SMCO2: variants seen among roughly 807,000 people sequenced by gnomAD.
SMCO2 encodes the protein single-pass membrane protein with coiled-coil domains 2.
SMCO2 carries 25 observed loss-of-function variants against 29.5 expected under a neutral mutation model. The observed-to-expected ratio is 0.85, with a 90% CI of 0.62 to 1.18. The LOEUF (loss-of-function observed/expected upper bound fraction) is 1.18, where lower values mean the gene tolerates loss of function less well. SMCO2 is among the 50% of genes most tolerant of loss of function. SMCO2 has a pLI of 0.00. For missense variants in SMCO2, 348 were observed against 344.5 expected, an observed-to-expected ratio of 1.01 and a Z score of -0.08; for synonymous variants, 117 against 123.3, an observed-to-expected ratio of 0.95 and a Z score of 0.34.
intron 4 of SMCO2, among the ~76,000 whole-genome samples, chr12:27,485,656 G>A (rs762565333): frequency 3.3e-5 from 5 of 151,614 alleles, no homozygotes; most frequent in African/African-American, 9.7e-5. Context: ...CGTGTTGGCC[G>A]GGCTGGTCTC....
At chr12:27,485,611 T>TG (rs2135563632) in intron 4 of SMCO2, among the ~76,000 whole-genome samples, 1 of 152,090 alleles carries the variant, frequency 6.6e-6, no homozygotes, top group South Asian at 2.1e-4. Flanking sequence ...ACCTGATTAA[T>TG]TTTTTTAGTA....
intron 4 of SMCO2, among the ~76,000 whole-genome samples, chr12:27,482,114 T>C (rs1949649033): frequency 2.0e-5 from 3 of 152,100 alleles, no homozygotes; most frequent in African/African-American, 7.2e-5. Context: ...TTGAGATCTC[T>C]TGTCTTTTTC....
At chr12:27,444,195 A>C in the SMCO2 span, among the ~76,000 whole-genome samples, 1 of 152,218 alleles carries the variant, frequency 6.6e-6, no homozygotes, top group East Asian at 1.9e-4. Flanking sequence ...AAATCCACGC[A>C]TTTACAACCA....
intron 7 of SMCO2, among the ~76,000 whole-genome samples, chr12:27,499,420 C>T (rs1001592560): frequency 1.3e-5 from 2 of 150,466 alleles, no homozygotes; most frequent in African/African-American, 2.5e-5. Flanking sequence ...GGTTTCCAGG[C>T]ACAGAGTGTT....
At chr12:27,458,673 G>A in the SMCO2 span, among the ~76,000 whole-genome samples, 1 of 151,236 alleles carries the variant, frequency 6.6e-6, no homozygotes, top group Non-Finnish European at 1.5e-5. Context: ...ATCACCTGAG[G>A]TCAGGAGTTC....
intron 4 of SMCO2, among the ~76,000 whole-genome samples, chr12:27,477,677 T>A (rs1949601969): frequency 7.0e-6 from 1 of 142,828 alleles, no homozygotes; most frequent in African/African-American, 2.8e-5. Context: ...TCAAAACACT[T>A]GTCTTCAAAG....
At chr12:27,438,706 T>C in the SMCO2 span, among the ~76,000 whole-genome samples, 1 of 152,102 alleles carries the variant, frequency 6.6e-6, no homozygotes, top group South Asian at 2.1e-4. Flanking sequence ...ATACAGGAGA[T>C]TGGAGTTTCC....
At chr12:27,478,446 C>T (rs918752965) in intron 4 of SMCO2, among the ~76,000 whole-genome samples, 1 of 152,174 alleles carries the variant, frequency 6.6e-6, no homozygotes, top group Non-Finnish European at 1.5e-5. Flanking sequence ...GAAGGTGGGT[C>T]ATCATGTCCC....
intron 5 of SMCO2, among the ~76,000 whole-genome samples, chr12:27,490,777 A>T (rs984680111): frequency 9.9e-5 from 15 of 152,082 alleles, no homozygotes; most frequent in African/African-American, 3.6e-4. Flanking sequence ...CAAAAAATTT[A>T]AAAAATTAGC....
chr12:27,428,573 A>T, the SMCO2 span, among the ~76,000 whole-genome samples: 114,245 of 144,176 alleles, frequency 0.79, 45,283 homozygotes, highest in Middle Eastern at 0.93. Flanking sequence ...TTTTTTTTTT[A>T]AAATACTCAG....
intron 2 of SMCO2, among the ~76,000 whole-genome samples, chr12:27,471,821 A>G (rs1949543438): frequency 6.6e-6 from 1 of 152,172 alleles, no homozygotes; most frequent in Non-Finnish European, 1.5e-5. Context: ...AAACAGGCAC[A>G]TTTTTGCTCG....
chr12:27,427,288 C>T, the SMCO2 span, among the ~76,000 whole-genome samples: 2 of 152,192 alleles, frequency 1.3e-5, no homozygotes, highest in Non-Finnish European at 2.9e-5. Flanking sequence ...TCTCCTCACG[C>T]CCATAATTTC....
intron 3 of SMCO2, 116 bp from the exon 4 acceptor site, chr12:27,474,670 C>A: frequency 8.3e-7 from 1 of 1,206,410 alleles, no homozygotes; most frequent in Non-Finnish European, 1.1e-6. Context: ...AAGCTCCAGT[C>A]TCAGAGAGGA....
At chr12:27,489,832 A>G (rs1337052591) in intron 5 of SMCO2, among the ~76,000 whole-genome samples, 2 of 152,228 alleles carry the variant, frequency 1.3e-5, no homozygotes, top group African/African-American at 2.4e-5. Context: ...GCTTTAGAGA[A>G]TTTCCTCCAA....
At chr12:27,456,032 A>T in the SMCO2 span, among the ~76,000 whole-genome samples, 1 of 152,244 alleles carries the variant, frequency 6.6e-6, no homozygotes, top group Non-Finnish European at 1.5e-5. Flanking sequence ...CCTGGCCAAC[A>T]TGGCGAAACC....
the SMCO2 span, among the ~76,000 whole-genome samples, chr12:27,461,495 G>A: frequency 6.6e-6 from 1 of 152,204 alleles, no homozygotes; most frequent in East Asian, 1.9e-4. Flanking sequence ...TTACAGGTAA[G>A]AGCATGCAGT....
the SMCO2 span, among the ~76,000 whole-genome samples, chr12:27,454,492 G>A: frequency 2.6e-5 from 4 of 152,268 alleles, no homozygotes; most frequent in East Asian, 1.9e-4. Flanking sequence ...CCATGTGAAC[G>A]TTTTACAATT....
intron 2 of SMCO2, among the ~76,000 whole-genome samples, chr12:27,471,133 G>T (rs1438829766): frequency 6.6e-6 from 1 of 152,058 alleles, no homozygotes; most frequent in Non-Finnish European, 1.5e-5. Flanking sequence ...ACATTTGCTA[G>T]TACGTGTTTA....
chr12:27,469,106 T>A (rs1265913683), intron 1 of SMCO2, among the ~76,000 whole-genome samples: 1 of 152,218 alleles, frequency 6.6e-6, no homozygotes, highest in Non-Finnish European at 1.5e-5. Flanking sequence ...TTCTATTTTT[T>A]GGACCATAAA....
Sources: allele counts gnomAD v4.1 joint callset (sites outside exome capture counted in the v4.1 genomes callset), GRCh38; gene constraint gnomAD v4.1.1; transcripts MANE v1.5; gene names NCBI Gene and HGNC (gene_info 2026-07-23, HGNC 2026-07-21).